FAF1: variants seen among roughly 807,000 people sequenced by gnomAD.
FAF1 encodes FAS-associated factor 1.
Under a neutral mutation model 92.5 loss-of-function variants are expected in FAF1, and 25 were observed. The observed-to-expected ratio is 0.27, with a 90% CI of 0.20 to 0.38. FAF1 has a LOEUF of 0.38. Among genes scored for constraint, FAF1 ranks in the 10% least tolerant of loss-of-function variants. The probability of loss-of-function intolerance (pLI) is 1.00; values close to 1 mark genes in which losing one functional copy is unlikely to be tolerated. For missense variants in FAF1, 636 were observed against 793.3 expected, an observed-to-expected ratio of 0.80 and a Z score of 2.38; for synonymous variants, 234 against 273.2, an observed-to-expected ratio of 0.86 and a Z score of 1.42.
At chr1:50,775,189 T>C (rs1660911441) in intron 4 of FAF1, among the ~76,000 whole-genome samples, 2 of 152,082 alleles carry the variant, frequency 1.3e-5, no homozygotes, top group Non-Finnish European at 2.9e-5. Context: ...CTTTAATGAG[T>C]GTACATTTTT....
intron 8 of FAF1, among the ~76,000 whole-genome samples, chr1:50,600,699 C>A (rs1201660330): frequency 3.9e-5 from 6 of 152,010 alleles, no homozygotes; most frequent in South Asian, 2.1e-4. Context: ...TATTTTCAAT[C>A]AAAAAAATTC....
chr1:50,759,089 G>T lies in FAF1; in HGVS notation c.368-14314C>A, dbSNP rs528198539. ...AATCTCCCGACCTCATGATCTGCCC[G>T]CCTCAGCCTCCCAAAGTGCTGTGTA... On this transcript the variant is annotated intron_variant, in intron 4 of 18. Coordinates refer to ENST00000396153, the MANE Select transcript of FAF1 (RefSeq NM_007051.3). 1.6e-4 allele frequency among the ~76,000 whole-genome samples: 25 copies of T among 151,966 alleles called. No individual in the cohort carries two copies. The East Asian group carries it at 4.8e-3, about 29-fold the overall frequency.
chr1:50,443,235 A>G, intron 18 of FAF1, among the ~76,000 whole-genome samples: 1 of 152,284 alleles, frequency 6.6e-6, no homozygotes, highest in East Asian at 1.9e-4. Flanking sequence ...CTAGGAAGCA[A>G]AAGAGGATGG....
chr1:50,693,604 C>T (rs1180533322), intron 7 of FAF1, among the ~76,000 whole-genome samples: 1 of 151,858 alleles, frequency 6.6e-6, no homozygotes, highest in Non-Finnish European at 1.5e-5. Context: ...AGGTAAAAGT[C>T]TACTTTAAGA....
intron 1 of FAF1, among the ~76,000 whole-genome samples, chr1:50,952,160 C>T (rs573605746): frequency 2.0e-5 from 3 of 152,360 alleles, no homozygotes; most frequent in Admixed American, 6.5e-5. Context: ...GATGCCCAGC[C>T]GAGGCTGGAC....
chr1:50,786,794 C>T (rs1661380512), intron 4 of FAF1, among the ~76,000 whole-genome samples: 1 of 152,086 alleles, frequency 6.6e-6, no homozygotes, highest in Non-Finnish European at 1.5e-5. Context: ...ACTAGAAATG[C>T]AGGTAGGGGC....
intron 1 of FAF1, among the ~76,000 whole-genome samples, chr1:50,902,341 TA>T (rs1215220119): frequency 1.3e-5 from 2 of 152,198 alleles, no homozygotes; most frequent in Non-Finnish European, 2.9e-5. Context: ...AAGTACAAAA[TA>T]CACACTACAT....
Position 50,854,392 on chromosome 1 carries a change from G to C in FAF1, c.114+3537C>G, listed in dbSNP as rs577561329. On this transcript the variant is annotated intron_variant, in intron 2 of 18. Transcript: ENST00000396153. ...TCATCTCAAGGGAGGAATCTCAGCTGTAATGACATTCATCTTCTCTTAACT... is the reference window on the plus strand; with the variant it reads ...TCATCTCAAGGGAGGAATCTCAGCTCTAATGACATTCATCTTCTCTTAACT... Among the ~76,000 whole-genome samples the C allele has an allele frequency of 4.6e-5, 7 of 152,114 alleles. No individual in the cohort carries two copies. The East Asian group carries it at 1.4e-3, about 29-fold the overall frequency.
chr1:50,953,946 A>G (rs1645242243), intron 1 of FAF1, among the ~76,000 whole-genome samples: 1 of 21,984 alleles, frequency 4.5e-5, no homozygotes, highest in Non-Finnish European at 7.7e-5. Flanking sequence ...TTCAGAAAGA[A>G]TACATTTTTT....
chr1:50,551,698 A>G (rs1649316382), intron 13 of FAF1, among the ~76,000 whole-genome samples: 1 of 152,160 alleles, frequency 6.6e-6, no homozygotes, highest in Admixed American at 6.5e-5. Context: ...GATTTCAGTA[A>G]GGCATATAAT....
intron 3 of FAF1, among the ~76,000 whole-genome samples, chr1:50,800,349 C>T (rs1195797738): frequency 1.3e-5 from 2 of 152,102 alleles, no homozygotes; most frequent in African/African-American, 4.8e-5. Context: ...ATAACATTTA[C>T]TCAAAAATAA....
rs544357904 is a variant in FAF1, at chr1:50,677,035, T to A, written c.658-21507A>T. On this transcript the variant is annotated intron_variant, in intron 7 of 18. Transcript: ENST00000396153. ...TGAATTGGGTGTTTTAGTATTGTTA[T>A]AAACCATTGCTATATGCACATTAGT... Among the ~76,000 whole-genome samples the A allele has an allele frequency of 1.1e-4, 17 of 152,292 alleles. No homozygotes were observed. The South Asian group carries it at 3.5e-3, about 32-fold the overall frequency.
chr1:50,702,478 A>C (rs1235559986), intron 7 of FAF1, among the ~76,000 whole-genome samples: 1 of 152,112 alleles, frequency 6.6e-6, no homozygotes, highest in African/African-American at 2.4e-5. Context: ...ACATTCTTTG[A>C]TATTTTTTAC....
At chr1:50,899,904 C>T (rs1341695211) in intron 1 of FAF1, among the ~76,000 whole-genome samples, 2 of 152,134 alleles carry the variant, frequency 1.3e-5, no homozygotes, top group East Asian at 3.8e-4. Context: ...TCTGAGTACA[C>T]TAGGGTGCCC....
intron 1 of FAF1, among the ~76,000 whole-genome samples, chr1:50,891,420 A>G (rs1644718861): frequency 6.6e-6 from 1 of 152,152 alleles, no homozygotes; most frequent in Admixed American, 6.5e-5. Context: ...ATTCCTCTGC[A>G]GCAGAATTCT....
intron 17 of FAF1, among the ~76,000 whole-genome samples, chr1:50,476,622 A>G (rs1200960258): frequency 6.6e-6 from 1 of 152,224 alleles, no homozygotes; most frequent in African/African-American, 2.4e-5. Flanking sequence ...GAACCCTGAG[A>G]AAGACTTCAT....
chr1:50,931,328 C>T (rs1285147454), intron 1 of FAF1, among the ~76,000 whole-genome samples: 1 of 152,092 alleles, frequency 6.6e-6, no homozygotes, highest in Non-Finnish European at 1.5e-5. Context: ...TTCTTATCTG[C>T]ATTCTTTAGG....
At position 50,764,786 on chromosome 1, in the gene FAF1, C is replaced by A. The variant is rs561797105; in HGVS notation, c.368-20011G>T. ...TCTGTTAATTTTCTAAGGTTCATTA[C>A]TGCCAAGAAAAATTTCAATGTTTTC... is the stretch of plus-strand genomic sequence containing the variant. On this transcript the variant is annotated intron_variant, in intron 4 of 18. Transcript: ENST00000396153. Among the ~76,000 whole-genome samples the A allele has an allele frequency of 1.4e-3, 217 of 152,284 alleles. 1 individual carries two copies. The highest frequency in any genetic ancestry group is 6.8e-3 in the Middle Eastern group (2 of 294).
chr1:50,886,446 G>A (rs1644664965), intron 1 of FAF1, among the ~76,000 whole-genome samples: 1 of 152,002 alleles, frequency 6.6e-6, no homozygotes, highest in East Asian at 1.9e-4. Flanking sequence ...TCTTAGATAT[G>A]TACACATGTG....
Sources: allele counts gnomAD v4.1 joint callset (sites outside exome capture counted in the v4.1 genomes callset), GRCh38; gene constraint gnomAD v4.1.1; transcripts MANE v1.5; gene names NCBI Gene and HGNC (gene_info 2026-07-23, HGNC 2026-07-21).